The following COL4A3 variants were observed in gnomAD, a reference collection of about 807,000 sequenced individuals.
COL4A3 encodes the protein collagen alpha-3(IV) chain.
Under a neutral mutation model 217.4 loss-of-function variants are expected in COL4A3, and 135 were observed. The ratio of observed to expected loss-of-function variants is 0.62; its 90% CI spans 0.54 to 0.72. The LOEUF is 0.72. COL4A3 is among the 30% of genes least tolerant of loss of function. COL4A3 has a pLI of 0.00. For missense variants in COL4A3, 1,868 were observed against 2,119.9 expected, an observed-to-expected ratio of 0.88 and a Z score of 2.33; for synonymous variants, 690 against 736.3, an observed-to-expected ratio of 0.94 and a Z score of 1.02.
chr2:227,244,300 C>CT lies in COL4A3; in HGVS notation c.235-14dup, dbSNP rs1485156871. On this transcript the variant is annotated intron_variant, in intron 3 of 51. Coordinates refer to ENST00000396578, the MANE Select transcript of COL4A3 (RefSeq NM_000091.5). ...ATAATTTTCAGAGTGTTTACTTTTT[C>CT]TTTTTTCACTTGAATCTAGGGCTTT... 6.2e-7 allele frequency: 1 copy of CT among 1,612,996 alleles called. No homozygotes were observed. The highest frequency in any genetic ancestry group is 1.3e-5 in the African/African-American group (1 of 74,860).
At chr2:227,220,461 G>C (rs922178195) in intron 1 of COL4A3, among the ~76,000 whole-genome samples, 1 of 151,772 alleles carries the variant, frequency 6.6e-6, no homozygotes, top group Admixed American at 6.6e-5. Flanking sequence ...GGGATTGCAG[G>C]CGTGAGCCAC....
At chr2:227,195,412 G>T (rs1187782123) in intron 1 of COL4A3, among the ~76,000 whole-genome samples, 1 of 152,066 alleles carries the variant, frequency 6.6e-6, no homozygotes, top group East Asian at 1.9e-4. Flanking sequence ...TGGCCCATAA[G>T]ATTATAATGA....
At chr2:227,283,961 A>G in intron 33 of COL4A3, 105 bp downstream of exon 33, 1 of 1,100,206 alleles carries the variant, frequency 9.1e-7, no homozygotes, top group South Asian at 1.3e-5. Context: ...TAGTTCTGAG[A>G]GAGCAACAGT....
intron 18 of COL4A3, among the ~76,000 whole-genome samples, chr2:227,258,840 C>G (rs1337472429): frequency 6.6e-6 from 1 of 152,156 alleles, no homozygotes; most frequent in African/African-American, 2.4e-5. Flanking sequence ...GTGCCCAACA[C>G]TTGGTAGGTG....
chr2:227,297,621 C>A, intron 41 of COL4A3, 53 bp from the exon 42 acceptor site: 1 of 1,544,970 alleles, frequency 6.5e-7, no homozygotes, highest in Non-Finnish European at 8.8e-7. Context: ...GTCAAGAACT[C>A]TAACCCAAGC....
chr2:227,210,216 A>G (rs2067259463), intron 1 of COL4A3, among the ~76,000 whole-genome samples: 1 of 152,248 alleles, frequency 6.6e-6, no homozygotes, highest in Non-Finnish European at 1.5e-5. Context: ...GGTGCCTTTA[A>G]CAAGCATTGC....
At chr2:227,284,956 T>G (rs927872826) in intron 34 of COL4A3, among the ~76,000 whole-genome samples, 34 of 152,158 alleles carry the variant, frequency 2.2e-4, no homozygotes, top group African/African-American at 8.2e-4. Flanking sequence ...ATATGATCAA[T>G]ACGACCAATA....
chr2:227,255,838 C>G (rs2070131499), intron 15 of COL4A3, among the ~76,000 whole-genome samples, 188 bp from the exon 16 acceptor site: 1 of 152,140 alleles, frequency 6.6e-6, no homozygotes, highest in South Asian at 2.1e-4. Flanking sequence ...TCTGCTTTCC[C>G]TGGAAAGAGA....
At chr2:227,185,847 T>G (rs1162610651) in intron 1 of COL4A3, among the ~76,000 whole-genome samples, 1 of 152,200 alleles carries the variant, frequency 6.6e-6, no homozygotes, top group East Asian at 1.9e-4. Flanking sequence ...AACCTGCAGT[T>G]GTAGCATCTC....
intron 1 of COL4A3, 188 bp from the exon 2 acceptor site, chr2:227,237,780 C>T (rs1261187031): frequency 1.8e-6 from 1 of 546,738 alleles, no homozygotes; most frequent in Non-Finnish European, 3.4e-6. Context: ...AACATGTTCT[C>T]AGTTTTCTAC....
At chr2:227,199,188 G>T (rs2066592302) in intron 1 of COL4A3, among the ~76,000 whole-genome samples, 3 of 152,210 alleles carry the variant, frequency 2.0e-5, no homozygotes, top group Admixed American at 2.0e-4. Context: ...CTTTGAGTGA[G>T]ATGTTTATCA....
intron 1 of COL4A3, among the ~76,000 whole-genome samples, chr2:227,165,016 C>T (rs1214982095): frequency 6.6e-6 from 1 of 152,064 alleles, no homozygotes; most frequent in Non-Finnish European, 1.5e-5. Flanking sequence ...GTGGAATGCG[C>T]GGGGCTGGGG....
In COL4A3 at chr2:227,303,927, C is replaced by A; in HGVS notation, c.4024C>A (p.Pro1342Thr). ...PPGPIGPKGP[P>T]GVRGDPGTLK... ...AGGACCAATTGGGCCAAAAGGACCA[C>A]CTGGTAAATAAACGTCCTTACTATT... Residue 1342 changes from proline (P) to threonine (T), a missense_variant, in exon 45 of 52, where the codon CCT (proline) becomes ACT (threonine). This residue lies in a region of COL4A3 where 1,503 missense variants were observed against 1,786.1 expected (regional missense o/e 0.84). Coordinates refer to ENST00000396578, the MANE Select transcript of COL4A3 (RefSeq NM_000091.5). 3 of 1,614,206 alleles carry A rather than the reference C, an allele frequency of 1.9e-6. No homozygotes were observed. Among genetic ancestry groups the A allele is most frequent in the Non-Finnish European group, 2.5e-6 (3 of 1,180,010 alleles).
rs1057516204 is a variant in COL4A3, at chr2:227,293,218, GGAAA to G, written c.3244_3247del (p.Lys1082GlufsTer71). 5 of 1,613,990 alleles carry G rather than the reference GGAAA, an allele frequency of 3.1e-6. No individual in the cohort carries two copies. Among genetic ancestry groups the G allele is most frequent in the Non-Finnish European group, 4.2e-6 (5 of 1,180,030 alleles). ...GGATCCAGGACTGCCGGGTGATATG[GGAAA>G]GAAAGGAGAAATGGGGCAACCTGGC... On this transcript the variant is annotated frameshift_variant, in exon 38 of 52. Transcript: ENST00000396578. LOFTEE classifies it high-confidence loss of function.
At chr2:227,311,697 A>T (rs962390313) in intron 51 of COL4A3, 89 bp from the exon 52 acceptor site, 1 of 1,359,552 alleles carries the variant, frequency 7.4e-7, no homozygotes, top group African/African-American at 1.4e-5. Flanking sequence ...ATTTCAAAAT[A>T]GCAAAAATAT....
At chr2:227,211,982 G>A (rs2067342284) in intron 1 of COL4A3, among the ~76,000 whole-genome samples, 2 of 152,010 alleles carry the variant, frequency 1.3e-5, no homozygotes, top group Non-Finnish European at 1.5e-5. Flanking sequence ...TGATTTTTGC[G>A]AGTCTGGAAC....
At chr2:227,283,738 T>G in intron 32 of COL4A3, 29 bp from the exon 33 acceptor site, 1 of 1,579,442 alleles carries the variant, frequency 6.3e-7, no homozygotes, top group Non-Finnish European at 8.7e-7. Context: ...GTACAACACG[T>G]GCTGCTTTGT....
At chr2:227,224,922 T>C (rs2068004457) in intron 1 of COL4A3, among the ~76,000 whole-genome samples, 1 of 152,228 alleles carries the variant, frequency 6.6e-6, no homozygotes, top group Non-Finnish European at 1.5e-5. Flanking sequence ...TTTGTTTTGT[T>C]CTTGTTTTTG....
At chr2:227,244,118 G>A (rs2069180923) in intron 3 of COL4A3, among the ~76,000 whole-genome samples, 1 of 151,966 alleles carries the variant, frequency 6.6e-6, no homozygotes, top group East Asian at 1.9e-4. Flanking sequence ...GAGTAGCAAG[G>A]GTTTGAATGA....
Sources: allele counts gnomAD v4.1 joint callset (sites outside exome capture counted in the v4.1 genomes callset), GRCh38; gene constraint gnomAD v4.1.1; regional missense constraint gnomAD v4.1.1; transcripts MANE v1.5; gene names NCBI Gene and HGNC (gene_info 2026-07-23, HGNC 2026-07-21).